RIT2: variants seen among roughly 807,000 people sequenced by gnomAD.
RIT2 encodes the protein Ras like without CAAX 2.
RIT2 carries 24 observed loss-of-function variants against 23.7 expected under a neutral mutation model. The ratio of observed to expected loss-of-function variants is 1.01; its 90% CI spans 0.73 to 1.43. The LOEUF (loss-of-function observed/expected upper bound fraction) is 1.43, where lower values mean the gene tolerates loss of function less well. Ranked by LOEUF, RIT2 falls within the 40% of genes most tolerant of loss-of-function variation. The pLI is 0.00. For synonymous variants in RIT2, 107 were observed against 91.1 expected, an observed-to-expected ratio of 1.17 and a Z score of -0.99; for missense variants, 236 against 266.9, an observed-to-expected ratio of 0.88 and a Z score of 0.81.
intron 4 of RIT2, among the ~76,000 whole-genome samples, chr18:42,906,258 G>A (rs1010621115): frequency 2.6e-5 from 4 of 151,780 alleles, no homozygotes; most frequent in Non-Finnish European, 5.9e-5. Context: ...CCATATGGCA[G>A]CAACAAAATA....
chr18:42,840,932 C>T (rs2144023651), intron 4 of RIT2, among the ~76,000 whole-genome samples: 1 of 152,336 alleles, frequency 6.6e-6, no homozygotes, highest in African/African-American at 2.4e-5. Context: ...TGGTAAATCC[C>T]ATGCCTCTAC....
intron 1 of RIT2, among the ~76,000 whole-genome samples, chr18:43,061,054 T>C (rs935961875): frequency 4.6e-5 from 7 of 152,128 alleles, no homozygotes; most frequent in Non-Finnish European, 1.0e-4. Flanking sequence ...ATCTACATTA[T>C]ATATAAAGAA....
intron 4 of RIT2, among the ~76,000 whole-genome samples, chr18:42,872,883 T>C (rs1262402498): frequency 6.6e-6 from 1 of 152,198 alleles, no homozygotes; most frequent in Non-Finnish European, 1.5e-5. Context: ...TTCATAAACA[T>C]ATGATATCAT....
intron 4 of RIT2, among the ~76,000 whole-genome samples, chr18:42,900,663 C>T (rs139242900): frequency 1.7e-3 from 253 of 152,142 alleles, no homozygotes; most frequent in African/African-American, 5.8e-3. Context: ...AATTCTCTCC[C>T]TCTTTTCATT....
intron 3 of RIT2, among the ~76,000 whole-genome samples, chr18:42,952,557 A>G (rs1284144767): frequency 2.6e-5 from 4 of 152,110 alleles, no homozygotes; most frequent in African/African-American, 7.2e-5. Flanking sequence ...CCCCAAAAAA[A>G]GAGCGTGGAA....
At chr18:42,945,486 C>A (rs921731938) in intron 3 of RIT2, among the ~76,000 whole-genome samples, 1 of 152,090 alleles carries the variant, frequency 6.6e-6, no homozygotes, top group African/African-American at 2.4e-5. Context: ...ATATCACAGG[C>A]TGAACATGCG....
At chr18:42,880,774 T>C (rs75971815) in intron 4 of RIT2, among the ~76,000 whole-genome samples, 15,613 of 150,456 alleles carry the variant, frequency 0.1, 937 homozygotes, top group Middle Eastern at 0.24. Flanking sequence ...AGGGCCTGTG[T>C]CCAAAACAGA....
intron 3 of RIT2, among the ~76,000 whole-genome samples, chr18:42,944,601 G>A (rs1242014069): frequency 6.6e-6 from 1 of 152,034 alleles, no homozygotes; most frequent in East Asian, 1.9e-4. Context: ...GAGAGAGCCA[G>A]GACTATGAAT....
At chr18:42,911,029 A>G (rs1027707612) in intron 4 of RIT2, among the ~76,000 whole-genome samples, 4 of 152,216 alleles carry the variant, frequency 2.6e-5, no homozygotes, top group Admixed American at 1.3e-4. Context: ...AAGATAGACT[A>G]TATCATGGTA....
chr18:42,787,601 G>A (rs1913952093), intron 4 of RIT2, among the ~76,000 whole-genome samples: 1 of 152,118 alleles, frequency 6.6e-6, no homozygotes, highest in African/African-American at 2.4e-5. Flanking sequence ...TTGCTCATTT[G>A]TGATAAGTTC....
chr18:43,030,477 A>C (rs1226237901), intron 2 of RIT2, among the ~76,000 whole-genome samples: 3 of 152,080 alleles, frequency 2.0e-5, no homozygotes, highest in African/African-American at 7.2e-5. Flanking sequence ...AATAATAGCA[A>C]GACCATGAGA....
intron 4 of RIT2, among the ~76,000 whole-genome samples, chr18:42,826,238 T>A (rs1417241060): frequency 1.3e-5 from 2 of 152,066 alleles, no homozygotes; most frequent in African/African-American, 4.8e-5. Flanking sequence ...CTCTCTTACA[T>A]CCATTTTACA....
chr18:42,983,408 GA>G lies in RIT2; in HGVS notation c.161-9262del, dbSNP rs1033949116. The stretch of plus-strand genomic sequence containing the variant: ...ATACAATTTAAAGCTACAAGTTTTA[GA>G]AAAAAAAAATGAGAAAATCTTCAAA... On this transcript the variant is annotated intron_variant, in intron 2 of 4. Transcript: ENST00000326695. 7.2e-3 allele frequency among the ~76,000 whole-genome samples: 1,059 copies of G among 146,580 alleles called. 11 individuals carry two copies. The highest frequency in any genetic ancestry group is 0.024 in the African/African-American group (947 of 40,170).
At chr18:43,053,006 C>T (rs901770692) in intron 1 of RIT2, among the ~76,000 whole-genome samples, 8 of 152,006 alleles carry the variant, frequency 5.3e-5, no homozygotes, top group African/African-American at 1.9e-4. Context: ...AAACTTACCA[C>T]AACCCTCTCA....
At position 42,743,292 on chromosome 18, in the gene RIT2, G is replaced by C; in HGVS notation, c.*201C>G. The C allele has an allele frequency of 1.7e-6, 1 of 586,374 alleles. No individual in the cohort carries two copies. The highest frequency in any genetic ancestry group is 2.1e-5 in the South Asian group (1 of 47,666). The allele number at this position is 586,374 out of a possible 1,614,324, so 36.3% of individuals were successfully genotyped here. A position where few individuals can be genotyped will look rare whatever the true frequency, so the allele number is the denominator to read the frequency against. ...TAAAAACTAAACAGCATATCCAGCT[G>C]ATTGACAAAATCCATCCAACTGTTA... On this transcript the variant is annotated 3_prime_UTR_variant, in exon 5 of 5. Coordinates refer to ENST00000326695, the MANE Select transcript of RIT2 (RefSeq NM_002930.4).
At chr18:42,972,716 A>C (rs771750962) in intron 3 of RIT2, among the ~76,000 whole-genome samples, 3 of 151,816 alleles carry the variant, frequency 2.0e-5, no homozygotes, top group Non-Finnish European at 4.4e-5. Flanking sequence ...CACAACCAAA[A>C]ATTCTATATA....
chr18:42,822,424 G>A (rs938470235), intron 4 of RIT2, among the ~76,000 whole-genome samples: 5 of 152,048 alleles, frequency 3.3e-5, no homozygotes, highest in African/African-American at 7.2e-5. Flanking sequence ...TGTTGGCGAC[G>A]GTTGATCATG....
chr18:42,752,126 G>A (rs1913060304), intron 4 of RIT2, among the ~76,000 whole-genome samples: 1 of 151,798 alleles, frequency 6.6e-6, no homozygotes, highest in Non-Finnish European at 1.5e-5. Context: ...TTACTATTAT[G>A]GTCCATTTGA....
intron 4 of RIT2, among the ~76,000 whole-genome samples, chr18:42,769,211 G>A (rs979587198): frequency 6.6e-6 from 1 of 152,174 alleles, no homozygotes; most frequent in African/African-American, 2.4e-5. Flanking sequence ...TAGGGGCTCT[G>A]AGTCCACTTA....
Sources: gnomAD v4.1 joint callset for allele counts (sites outside exome capture counted in the v4.1 genomes callset) on GRCh38, gnomAD v4.1.1 for gene constraint, MANE v1.5 for transcripts, NCBI Gene and HGNC (gene_info 2026-07-23, HGNC 2026-07-21) for gene names.